Variants in CSTPP1 observed in about 807,000 individuals in gnomAD.
CSTPP1 encodes the protein centriolar satellite-associated tubulin polyglutamylase complex regulator 1.
the CSTPP1 span, among the ~76,000 whole-genome samples, chr11:47,051,060 A>C: frequency 1.6e-4 from 25 of 152,246 alleles, no homozygotes; most frequent in African/African-American, 6.0e-4. Context: ...GGGAAACGGA[A>C]TAGATGCCTC....
the CSTPP1 span, among the ~76,000 whole-genome samples, chr11:46,950,259 C>T: frequency 1.3e-5 from 2 of 150,894 alleles, no homozygotes; most frequent in South Asian, 2.1e-4. Context: ...CTGCAAGCTC[C>T]GCCTCCCAGG....
chr11:46,938,238 C>T, the CSTPP1 span, among the ~76,000 whole-genome samples: 1 of 151,606 alleles, frequency 6.6e-6, no homozygotes, highest in East Asian at 1.9e-4. Context: ...CCTTGGGTCT[C>T]CCTCACTCAC....
At chr11:46,994,636 A>G in the CSTPP1 span, among the ~76,000 whole-genome samples, 8 of 152,200 alleles carry the variant, frequency 5.3e-5, no homozygotes, top group African/African-American at 1.9e-4. Context: ...CCACTTGATC[A>G]TGGTGGATAA....
chr11:47,067,915 G>A, the CSTPP1 span, among the ~76,000 whole-genome samples: 6 of 152,034 alleles, frequency 3.9e-5, no homozygotes, highest in East Asian at 1.9e-4. Context: ...GAGTATGGCC[G>A]TGTTGTGACC....
the CSTPP1 span, among the ~76,000 whole-genome samples, chr11:47,148,570 G>A: frequency 4.3e-4 from 65 of 152,216 alleles, no homozygotes; most frequent in Non-Finnish European, 7.6e-4. Flanking sequence ...AAACTAGATC[G>A]CTGGCTTCTG....
chr11:47,117,881 T>C, the CSTPP1 span, among the ~76,000 whole-genome samples: 2 of 135,996 alleles, frequency 1.5e-5, no homozygotes, highest in East Asian at 2.1e-4. Flanking sequence ...TCTTTTCTTT[T>C]TTTTTTTTTT....
At chr11:47,150,162 C>T in the CSTPP1 span, among the ~76,000 whole-genome samples, 2 of 152,256 alleles carry the variant, frequency 1.3e-5, no homozygotes, top group East Asian at 1.9e-4. Flanking sequence ...TCCCCTTAAA[C>T]GGACTGTCCA....
At chr11:47,033,838 C>T in the CSTPP1 span, among the ~76,000 whole-genome samples, 35 of 152,248 alleles carry the variant, frequency 2.3e-4, no homozygotes, top group African/African-American at 8.2e-4. Flanking sequence ...TTATAACCCC[C>T]TGACTTAGGG....
the CSTPP1 span, chr11:47,161,272 C>A: frequency 4.3e-6 from 7 of 1,610,196 alleles, no homozygotes; most frequent in Non-Finnish European, 5.9e-6. Flanking sequence ...GGGGCCAACA[C>A]CACTTGTCTG....
At chr11:47,139,798 T>C in the CSTPP1 span, among the ~76,000 whole-genome samples, 3 of 152,098 alleles carry the variant, frequency 2.0e-5, no homozygotes, top group Non-Finnish European at 4.4e-5. Flanking sequence ...AATATACTGA[T>C]AGCTTGTAAG....
At chr11:47,039,146 G>A in the CSTPP1 span, among the ~76,000 whole-genome samples, 3 of 127,704 alleles carry the variant, frequency 2.3e-5, 1 homozygote, top group South Asian at 2.5e-4. Context: ...GGAGGCCAAG[G>A]CAGGCTGCTG....
the CSTPP1 span, chr11:47,137,591 G>A: frequency 1.3e-5 from 21 of 1,612,944 alleles, no homozygotes; most frequent in Non-Finnish European, 1.8e-5. Flanking sequence ...ACAAAAAGAG[G>A]GCAGTGACTT....
the CSTPP1 span, among the ~76,000 whole-genome samples, chr11:47,078,478 CAT>C: frequency 6.6e-6 from 1 of 152,120 alleles, no homozygotes; most frequent in Non-Finnish European, 1.5e-5. Flanking sequence ...ACCACTTAGA[CAT>C]GTGTGCATAG....
At chr11:47,078,073 A>C in the CSTPP1 span, among the ~76,000 whole-genome samples, 1 of 152,196 alleles carries the variant, frequency 6.6e-6, no homozygotes, top group Non-Finnish European at 1.5e-5. Context: ...GACAGATGGG[A>C]AGTATATGTG....
the CSTPP1 span, chr11:47,161,938 A>G: frequency 8.8e-7 from 1 of 1,134,904 alleles, no homozygotes; most frequent in Non-Finnish European, 1.1e-6. Context: ...TAACCTCTTA[A>G]GAGCAGTCTC....
chr11:47,130,635 C>T, the CSTPP1 span: 1 of 151,950 alleles, frequency 6.6e-6, no homozygotes. Context: ...TGTCTTGCCT[C>T]CTTCTTCCCT....
At chr11:47,055,308 T>G in the CSTPP1 span, among the ~76,000 whole-genome samples, 1 of 151,908 alleles carries the variant, frequency 6.6e-6, no homozygotes, top group Non-Finnish European at 1.5e-5. Context: ...TTTTTCTTTC[T>G]TCTTTCTTGC....
the CSTPP1 span, among the ~76,000 whole-genome samples, chr11:47,054,519 C>T: frequency 6.6e-6 from 1 of 152,024 alleles, no homozygotes; most frequent in Admixed American, 6.6e-5. Flanking sequence ...TGCTGTGTGG[C>T]CCAGGCTGGT....
the CSTPP1 span, among the ~76,000 whole-genome samples, chr11:46,967,663 C>T: frequency 6.6e-6 from 1 of 152,058 alleles, no homozygotes; most frequent in South Asian, 2.1e-4. Flanking sequence ...ACTCTTACAA[C>T]TGTGCCCGGC....
Sources: allele counts gnomAD v4.1 joint callset (sites outside exome capture counted in the v4.1 genomes callset), GRCh38; gene constraint gnomAD v4.1.1; transcripts MANE v1.5; gene names NCBI Gene and HGNC (gene_info 2026-07-23, HGNC 2026-07-21).